The following INO80D variants were observed in gnomAD, a reference collection of about 807,000 sequenced individuals.
INO80D encodes INO80 complex subunit D.
INO80D carries 21 observed loss-of-function variants against 87.6 expected under a neutral mutation model. That is an observed-to-expected ratio of 0.24 (90% CI 0.17 to 0.35). The LOEUF (loss-of-function observed/expected upper bound fraction) is 0.35, where lower values mean the gene tolerates loss of function less well. Ranked by LOEUF, INO80D falls within the 10% of genes least tolerant of loss-of-function variation. INO80D has a pLI of 1.00. For synonymous variants in INO80D, 440 were observed against 491.0 expected, an observed-to-expected ratio of 0.90 and a Z score of 1.37; for missense variants, 982 against 1,280.7, an observed-to-expected ratio of 0.77 and a Z score of 3.56.
rs966461035 is a variant in INO80D at position 206,000,586 on chromosome 2, C to T, written c.*3782G>A. 6 of 152,194 alleles carry T rather than the reference C, an allele frequency of 3.9e-5. No homozygotes were observed. Among genetic ancestry groups the T allele is most frequent in the African/African-American group, 1.4e-4 (6 of 41,524 alleles). The allele number at this position is 152,194 out of a possible 1,614,324, so 9.4% of individuals were successfully genotyped here. A position where few individuals can be genotyped will look rare whatever the true frequency, so the allele number is the denominator to read the frequency against. On this transcript the variant is annotated 3_prime_UTR_variant, in exon 11 of 11. Coordinates refer to ENST00000403263, the MANE Select transcript of INO80D (RefSeq NM_017759.5). ...CTCTGTGCATCCCAAACATGGTTTC[C>T]TTCCTAATCAAAGAGTTGTCTTTGC...
At position 206,005,243 on chromosome 2, in the gene INO80D, G is replaced by A. The variant is rs371768681; in HGVS notation, c.2209C>T (p.Arg737Cys). 3.1e-5 allele frequency: 50 copies of A among 1,613,870 alleles called. No individual in the cohort carries two copies. Among genetic ancestry groups the A allele is most frequent in the Middle Eastern group, 3.3e-4 (2 of 6,084 alleles). The change falls in exon 11 of 11, where the codon CGT (arginine) becomes TGT (cysteine). Residue 737 changes from arginine (R) to cysteine (C), a missense_variant. Coordinates refer to ENST00000403263, the MANE Select transcript of INO80D (RefSeq NM_017759.5). ...GGTGGGTTTGACAAGGTAGCAGAAC[G>A]GAGCAGGTTCTCATCCAGCTCTAGA... ...SSLELDENLLRSATLSNPPTP... is the reference protein window; with the variant it reads ...SSLELDENLLCSATLSNPPTP...
At chr2:206,059,253 C>T (rs1002180991) in intron 3 of INO80D, among the ~76,000 whole-genome samples, 13 of 151,694 alleles carry the variant, frequency 8.6e-5, no homozygotes, top group Non-Finnish European at 5.9e-5. Context: ...TGGTGGTGTG[C>T]GCCTGTAATT....
chr2:206,072,976 T>A (rs1307056646), intron 1 of INO80D, among the ~76,000 whole-genome samples: 1 of 152,068 alleles, frequency 6.6e-6, no homozygotes, highest in Non-Finnish European at 1.5e-5. Context: ...TAGCTGGGAC[T>A]ACAGGCATTA....
intron 4 of INO80D, among the ~76,000 whole-genome samples, chr2:206,051,559 T>C (rs1451419085): frequency 6.6e-6 from 1 of 152,198 alleles, no homozygotes; most frequent in Admixed American, 6.5e-5. Flanking sequence ...ACTATATTAT[T>C]AATCCAAAAT....
chr2:206,005,065 C>G lies in INO80D; in HGVS notation c.2387G>C (p.Arg796Thr). The change falls in exon 11 of 11, where the codon AGG becomes ACG. Residue 796 changes from arginine to threonine, a missense_variant. Arg to Thr is a moderately conservative substitution (Grantham distance 71). Coordinates refer to ENST00000403263, the MANE Select transcript of INO80D (RefSeq NM_017759.5). Reference protein sequence around the residue: ...GLHDGSHASQRPHPAQLLSKA... With the variant: ...GLHDGSHASQTPHPAQLLSKA... ...GCTCAGCAGCTGGGCAGGATGTGGC[C>G]TCTGGGAGGCATGGCTGCCGTCATG... 1 of 1,613,898 alleles carries G rather than the reference C, an allele frequency of 6.2e-7. No individual in the cohort carries two copies. Among genetic ancestry groups the G allele is most frequent in the Non-Finnish European group, 8.5e-7 (1 of 1,179,878 alleles).
At chr2:206,078,518 G>A (rs1238386840) in intron 1 of INO80D, among the ~76,000 whole-genome samples, 1 of 152,158 alleles carries the variant, frequency 6.6e-6, no homozygotes, top group Admixed American at 6.6e-5. Context: ...TATGAAGGCC[G>A]GGGGTGGTGA....
At chr2:206,017,168 G>A (rs1049457416) in intron 8 of INO80D, among the ~76,000 whole-genome samples, 19 of 152,184 alleles carry the variant, frequency 1.2e-4, no homozygotes, top group African/African-American at 4.6e-4. Context: ...TGTTTATAGA[G>A]GGCAGGAAGT....
Position 206,059,894 on chromosome 2 carries a change from A to C in INO80D, c.218+2905T>G, listed in dbSNP as rs1575865704. Among the ~76,000 whole-genome samples, 3 of 152,326 alleles carry C rather than the reference A, an allele frequency of 2.0e-5. No homozygotes were observed. In the South Asian group the frequency reaches 6.2e-4, roughly 32 times the overall value. Reference sequence around the variant, plus strand: ...CTAACCAAAAAGTTTCCCAAGAACAAGAAAAAATTTTAATAAAGAATAAAT... The same window carrying C: ...CTAACCAAAAAGTTTCCCAAGAACACGAAAAAATTTTAATAAAGAATAAAT... On this transcript the variant is annotated intron_variant, in intron 3 of 10. Transcript: ENST00000403263.
chr2:206,056,984 A>G (rs754145217), intron 3 of INO80D, 41 bp from the exon 4 acceptor site: 4 of 1,504,538 alleles, frequency 2.7e-6, no homozygotes, highest in South Asian at 2.7e-5. Context: ...GTCATGATAC[A>G]TATTTTTTAA....
rs1689959041 is a variant in INO80D, at chr2:206,071,242, A to AT, written c.-123-7999_-123-7998insA. ...CCAAAGTGCTGGGATTACAGGCATAAGCACCACGCCCGGCCTTTTTTTTTT... is the reference window on the plus strand; with the variant it reads ...CCAAAGTGCTGGGATTACAGGCATAATGCACCACGCCCGGCCTTTTTTTTTT... On this transcript the variant is annotated intron_variant, in intron 1 of 10. Transcript: ENST00000403263. 9.3e-3 allele frequency among the ~76,000 whole-genome samples: 4 copies of AT among 430 alleles called. 2 individuals carry two copies. Among genetic ancestry groups the AT allele is most frequent in the South Asian group, 0.033 (2 of 60 alleles). 0.3% of individuals were successfully genotyped at this position (430 alleles called of 152,430 possible). A position where few individuals can be genotyped will look rare whatever the true frequency, so the allele number is the denominator to read the frequency against.
intron 4 of INO80D, among the ~76,000 whole-genome samples, chr2:206,052,537 C>T (rs1256851767): frequency 2.6e-5 from 4 of 152,020 alleles, no homozygotes; most frequent in Non-Finnish European, 5.9e-5. Flanking sequence ...AGGCCAGGCA[C>T]AGTGACTTGT....
In INO80D at chr2:206,075,039, C is replaced by CAAAAAAAAA. The variant is rs56081344; in HGVS notation, c.-124+10853_-124+10861dup. 2.6e-4 allele frequency among the ~76,000 whole-genome samples: 30 copies of CAAAAAAAAA among 117,540 alleles called. 1 individual carries two copies. The highest frequency in any genetic ancestry group is 6.7e-4 in the African/African-American group (20 of 29,776). The allele number at this position is 117,540 out of a possible 152,430, so 77.1% of individuals were successfully genotyped here. On this transcript the variant is annotated intron_variant, in intron 1 of 10. Coordinates refer to ENST00000403263, the MANE Select transcript of INO80D (RefSeq NM_017759.5). ...GGATGACAAGAGCGAAACTCCATCT[C>CAAAAAAAAA]AAAAAAAAAAAAAAAATTCCTCTTT... is the stretch of plus-strand genomic sequence containing the variant.
intron 1 of INO80D, among the ~76,000 whole-genome samples, chr2:206,067,163 C>T (rs917417049): frequency 1.3e-5 from 2 of 151,766 alleles, no homozygotes; most frequent in Non-Finnish European, 2.9e-5. Context: ...AGGAGAATCG[C>T]TTCAACCCAG....
At chr2:206,027,224 TTCTC>T (rs148848724) in intron 6 of INO80D, among the ~76,000 whole-genome samples, 6,388 of 152,252 alleles carry the variant, frequency 0.042, 185 homozygotes, top group East Asian at 0.07. Context: ...ACAGTGCTCA[TTCTC>T]TCTCTCATGA....
At chr2:206,021,733 C>T (rs1688470423) in intron 6 of INO80D, among the ~76,000 whole-genome samples, 3 of 152,116 alleles carry the variant, frequency 2.0e-5, no homozygotes, top group Admixed American at 2.0e-4. Flanking sequence ...CTGCCTCAGC[C>T]TCCCAAGTAG....
intron 6 of INO80D, among the ~76,000 whole-genome samples, chr2:206,020,735 C>A (rs1306393066): frequency 6.6e-6 from 1 of 152,250 alleles, no homozygotes; most frequent in East Asian, 1.9e-4. Flanking sequence ...GAAGAATCGA[C>A]TTCTTGCCCT....
At chr2:206,031,106 T>A (rs1688754445) in intron 5 of INO80D, among the ~76,000 whole-genome samples, 1 of 151,624 alleles carries the variant, frequency 6.6e-6, no homozygotes. Context: ...ACAAAAAAAA[T>A]AGCTTGGTAT....
At chr2:206,054,675 G>A (rs1403917326) in intron 4 of INO80D, among the ~76,000 whole-genome samples, 4 of 151,922 alleles carry the variant, frequency 2.6e-5, no homozygotes, top group African/African-American at 4.8e-5. Context: ...CACCACACCC[G>A]GCTATTTTTT....
At chr2:206,055,753 A>G (rs1689500182) in intron 4 of INO80D, among the ~76,000 whole-genome samples, 1 of 152,214 alleles carries the variant, frequency 6.6e-6, no homozygotes, top group South Asian at 2.1e-4. Context: ...GATCAGAAAT[A>G]TTTGAGAAAA....
Sources: allele counts gnomAD v4.1 joint callset (sites outside exome capture counted in the v4.1 genomes callset), GRCh38; gene constraint gnomAD v4.1.1; transcripts MANE v1.5; gene names NCBI Gene and HGNC (gene_info 2026-07-23, HGNC 2026-07-21).